NAE1: variants seen among roughly 807,000 people sequenced by gnomAD.
NAE1 encodes the protein NEDD8 activating enzyme E1 subunit 1.
NAE1 carries 59 observed loss-of-function variants against 88.0 expected under a neutral mutation model. That is an observed-to-expected ratio of 0.67 (90% CI 0.54 to 0.83). The LOEUF (loss-of-function observed/expected upper bound fraction) is 0.83. Among genes scored for constraint, NAE1 ranks in the 40% least tolerant of loss-of-function variants. The pLI is 0.00. For missense variants in NAE1, 554 were observed against 632.8 expected (o/e 0.88, Z 1.34); for synonymous variants, 186 against 208.9 (o/e 0.89, Z 0.95).
chr16:66,821,614 CA>C (rs1960264461), intron 6 of NAE1, 55 bp from the exon 7 acceptor site: 2 of 1,382,958 alleles, frequency 1.4e-6, no homozygotes, highest in Middle Eastern at 1.9e-4. Context: ...ATATGCCAAA[CA>C]TGAAAACATG....
rs1276571982 is a variant in NAE1 at position 66,817,272 on chromosome 16, G to A, written c.684+153C>T. On this transcript the variant is annotated intron_variant, in intron 9 of 19. Transcript: ENST00000290810. ...ATTAAAATTATCAGGATCAAAAGAGGAACTGCTAGATTTAAATTTAAAAGC... is the reference window on the plus strand; with the variant it reads ...ATTAAAATTATCAGGATCAAAAGAGAAACTGCTAGATTTAAATTTAAAAGC... The A allele has an allele frequency of 5.8e-6, 5 of 863,336 alleles. No individual in the cohort carries two copies. In the African/African-American group the frequency reaches 7.0e-5, roughly 12 times the overall value. The allele number at this position is 863,336 out of a possible 1,614,324, so 53.5% of individuals were successfully genotyped here. A position where few individuals can be genotyped will look rare whatever the true frequency, so the allele number is the denominator to read the frequency against.
chr16:66,813,458 A>G (rs1959903121), intron 13 of NAE1, 106 bp downstream of exon 13: 1 of 1,344,228 alleles, frequency 7.4e-7, no homozygotes, highest in Non-Finnish European at 1.0e-6. Flanking sequence ...TTTATAAGCA[A>G]TGAGGTTGTA....
intron 11 of NAE1, among the ~76,000 whole-genome samples, chr16:66,815,334 C>T (rs372567984): frequency 8.5e-5 from 13 of 152,168 alleles, no homozygotes; most frequent in Middle Eastern, 3.4e-3. Flanking sequence ...ATGTTCATCA[C>T]CCCAGAAAAG....
intron 3 of NAE1, among the ~76,000 whole-genome samples, chr16:66,825,291 C>CA (rs1290684435): frequency 1.3e-5 from 2 of 151,822 alleles, no homozygotes; most frequent in African/African-American, 2.4e-5. Context: ...ATTAAAAATA[C>CA]AAAAAATTAG....
chr16:66,805,637 C>CA (rs77195666), intron 19 of NAE1, 140 bp downstream of exon 19: 48,046 of 544,918 alleles, frequency 0.088, 9 homozygotes, highest in Non-Finnish European at 0.095. Context: ...GACTGCGTCT[C>CA]AAAAAAAAAA....
At position 66,830,655 on chromosome 16, in the gene NAE1, G is replaced by T. The variant is rs536478347; in HGVS notation, c.53+192C>A. On this transcript the variant is annotated intron_variant, in intron 1 of 19. Coordinates refer to ENST00000290810, the MANE Select transcript of NAE1 (RefSeq NM_003905.4). ...TGCACACCGCGTGGCGGGGGAAGGG[G>T]TCCCAGCCCTCGCGGAGCACCTTTG... Among the ~76,000 whole-genome samples the T allele has an allele frequency of 6.0e-3, 913 of 152,330 alleles. 2 individuals carry two copies. Among genetic ancestry groups the T allele is most frequent in the African/African-American group, 0.02 (842 of 41,584 alleles).
intron 11 of NAE1, among the ~76,000 whole-genome samples, chr16:66,814,113 T>C (rs1959936475): frequency 6.6e-6 from 1 of 152,210 alleles, no homozygotes; most frequent in Non-Finnish European, 1.5e-5. Flanking sequence ...GGGGCCCCAG[T>C]AAATTATTTT....
Position 66,808,598 on chromosome 16 carries a change from T to C in NAE1, c.1253A>G (p.Asn418Ser), listed in dbSNP as rs1959666025. The C allele has an allele frequency of 6.2e-7, 1 of 1,602,460 alleles. No individual in the cohort carries two copies. Among genetic ancestry groups the C allele is most frequent in the African/African-American group, 1.3e-5 (1 of 74,508 alleles). ...NKDEIISSMD[N>S]PDNEIVLYLM... ...GTACAACACTATTTCATTATCTGGA[T>C]TGTCCATGCTAGAAACTGAAAGGAA... is the stretch of plus-strand genomic sequence containing the variant. The change falls in exon 17 of 20, where the codon AAT (asparagine) becomes AGT (serine). Residue 418 changes from asparagine to serine, a missense_variant. Transcript: ENST00000290810.
At chr16:66,827,738 A>C (rs568764232) in intron 1 of NAE1, among the ~76,000 whole-genome samples, 2 of 152,320 alleles carry the variant, frequency 1.3e-5, no homozygotes, top group South Asian at 4.1e-4. Context: ...TATATTACCC[A>C]ATGAACATTC....
rs764308691 is a variant in NAE1 at position 66,830,925 on chromosome 16, G to A, written c.-26C>T. Reference sequence around the variant, plus strand: ...GGCCGCGCCTGCCGCGCGGAAAACAGCCGAGCCCCTGCGGAGCGCCGCCAC... The same window carrying A: ...GGCCGCGCCTGCCGCGCGGAAAACAACCGAGCCCCTGCGGAGCGCCGCCAC... On this transcript the variant is annotated 5_prime_UTR_variant, in exon 1 of 20. Transcript: ENST00000290810. 7.2e-6 allele frequency: 11 copies of A among 1,518,124 alleles called. No individual in the cohort carries two copies. Among genetic ancestry groups the A allele is most frequent in the South Asian group, 3.6e-5 (3 of 82,252 alleles). The allele number at this position is 1,518,124 out of a possible 1,614,324, so 94.0% of individuals were successfully genotyped here. A position where few individuals can be genotyped will look rare whatever the true frequency, so the allele number is the denominator to read the frequency against.
rs1364298450 is a variant in NAE1, at chr16:66,813,603, A to G, written c.995T>C (p.Met332Thr). 9.3e-6 allele frequency: 15 copies of G among 1,613,684 alleles called. No individual in the cohort carries two copies. Among genetic ancestry groups the G allele is most frequent in the East Asian group, 2.2e-5 (1 of 44,872 alleles). ...TATATATTTGCCTGAATCTGCAATC[A>G]TATCAGGAATTGTGCCTCGAACAGG... ...NLPVRGTIPD[M>T]IADSGKYIKL... Residue 332 changes from methionine (M) to threonine (T), a missense_variant, in exon 13 of 20, where the codon ATG becomes ACG. By Grantham distance (81) the Met-to-Thr change is moderately conservative. Coordinates refer to ENST00000290810, the MANE Select transcript of NAE1 (RefSeq NM_003905.4).
intron 19 of NAE1, among the ~76,000 whole-genome samples, chr16:66,804,147 T>C (rs1030155385): frequency 6.6e-6 from 1 of 151,236 alleles, no homozygotes; most frequent in East Asian, 1.9e-4. Flanking sequence ...AGGGATGGCA[T>C]CGCAGAGAAG....
chr16:66,826,839 A>C (rs1432916338), intron 1 of NAE1, 59 bp from the exon 2 acceptor site: 1 of 1,483,630 alleles, frequency 6.7e-7, no homozygotes, highest in African/African-American at 1.4e-5. Context: ...CAGCTTTCTT[A>C]TTTGAATGGT....
At chr16:66,823,157 T>C in intron 6 of NAE1, 70 bp downstream of exon 6, 1 of 927,710 alleles carries the variant, frequency 1.1e-6, no homozygotes, top group South Asian at 1.8e-5. Flanking sequence ...CATCATAGAC[T>C]GTGCAAAGAA....
At position 66,805,952 on chromosome 16, in the gene NAE1, C is replaced by T. The variant is rs1959545128; in HGVS notation, c.1405G>A (p.Gly469Ser). The change falls in exon 18 of 20, where the codon GGT becomes AGT. Residue 469 changes from glycine (G) to serine (S), a missense_variant. Coordinates refer to ENST00000290810, the MANE Select transcript of NAE1 (RefSeq NM_003905.4). ...TCATCTTTCACCATTACAGATAAACCATATTCCTGAAGGAAGCCAGTGAGA... is the reference window on the plus strand; with the variant it reads ...TCATCTTTCACCATTACAGATAAACTATATTCCTGAAGGAAGCCAGTGAGA... ...SCLTGFLQEY[G>S]LSVMVKDDYV... 1.2e-6 allele frequency: 2 copies of T among 1,612,912 alleles called. No homozygotes were observed. Among genetic ancestry groups the T allele is most frequent in the Non-Finnish European group, 1.7e-6 (2 of 1,179,596 alleles).
chr16:66,805,639 A>T, intron 19 of NAE1, 138 bp downstream of exon 19: 1 of 515,070 alleles, frequency 1.9e-6, no homozygotes, highest in Non-Finnish European at 2.8e-6. Context: ...CTGCGTCTCA[A>T]AAAAAAAAAA....
chr16:66,805,233 G>C (rs1020483453), intron 19 of NAE1, among the ~76,000 whole-genome samples: 2 of 152,096 alleles, frequency 1.3e-5, no homozygotes, highest in Non-Finnish European at 1.5e-5. Context: ...CAAAACACAG[G>C]GTTTTTTAAC....
intron 9 of NAE1, 79 bp downstream of exon 9, chr16:66,817,346 C>A: frequency 8.4e-7 from 1 of 1,190,716 alleles, no homozygotes. Flanking sequence ...AATTAATCTC[C>A]CATTCCCCAT....
chr16:66,814,621 A>ACACC (rs1447022007), intron 11 of NAE1, among the ~76,000 whole-genome samples: 4 of 149,988 alleles, frequency 2.7e-5, no homozygotes, highest in Non-Finnish European at 5.9e-5. Context: ...ACACACACAC[A>ACACC]CACACACAAA....
Sources: gnomAD v4.1 joint callset for allele counts (sites outside exome capture counted in the v4.1 genomes callset) on GRCh38, gnomAD v4.1.1 for gene constraint, MANE v1.5 for transcripts, NCBI Gene and HGNC (gene_info 2026-07-23, HGNC 2026-07-21) for gene names.